Variants in ACADM observed in about 807,000 individuals in gnomAD.
The protein encoded by ACADM is acyl-CoA dehydrogenase medium chain, also known as medium-chain specific acyl-CoA dehydrogenase, mitochondrial.
In ACADM, 49 loss-of-function variants were observed where a neutral mutation model predicts 58.9. That is an observed-to-expected ratio of 0.83 (90% CI 0.66 to 1.06). ACADM has a LOEUF of 1.06. Among genes scored for constraint, ACADM ranks in the 50% least tolerant of loss-of-function variants. The pLI is 0.00. For synonymous variants in ACADM, 160 were observed against 157.7 expected, an observed-to-expected ratio of 1.01 and a Z score of -0.11; for missense variants, 496 against 507.0, an observed-to-expected ratio of 0.98 and a Z score of 0.21.
chr1:75,727,927 T>A (rs528235659), intron 1 of ACADM, among the ~76,000 whole-genome samples: 59 of 151,958 alleles, frequency 3.9e-4, no homozygotes, highest in Non-Finnish European at 6.6e-4. Flanking sequence ...AAAAATGAGA[T>A]CCTCTGAGGG....
At chr1:75,733,239 A>T (rs1647183013) in intron 4 of ACADM, 1 of 1,529,788 alleles carries the variant, frequency 6.5e-7, no homozygotes, top group Non-Finnish European at 8.8e-7. Flanking sequence ...GTGAACCATG[A>T]TTCTTTTCCT....
At chr1:75,757,975 C>G (rs529099275) in intron 10 of ACADM, among the ~76,000 whole-genome samples, 2 of 152,196 alleles carry the variant, frequency 1.3e-5, no homozygotes, top group African/African-American at 4.8e-5. Context: ...TCTGTGAATT[C>G]CAGTAATTTG....
intron 2 of ACADM, among the ~76,000 whole-genome samples, chr1:75,730,240 C>T (rs1327749849): frequency 1.3e-5 from 2 of 152,122 alleles, no homozygotes; most frequent in Admixed American, 1.3e-4. Context: ...GGTATGATTG[C>T]TTGTCACTTT....
At chr1:75,743,819 C>G (rs1231718515) in intron 7 of ACADM, 9 of 1,441,702 alleles carry the variant, frequency 6.2e-6, no homozygotes, top group Non-Finnish European at 8.8e-6. Flanking sequence ...GTGGCCACTG[C>G]AACACTGATG....
In ACADM at chr1:75,745,868, G is replaced by A. The variant is rs754736180; in HGVS notation, c.662G>A (p.Gly221Glu). 1 of 1,613,920 alleles carries A rather than the reference G, an allele frequency of 6.2e-7. No homozygotes were observed. The highest frequency in any genetic ancestry group is 8.5e-7 in the Non-Finnish European group (1 of 1,179,928). Reference sequence around the variant, plus strand: ...GCTCCTGCTAATAAAGCCTTTACTGGATTCATTGTGGAAGCAGATACCCCA... The same window carrying A: ...GCTCCTGCTAATAAAGCCTTTACTGAATTCATTGTGGAAGCAGATACCCCA... The part of the protein sequence containing the change: ...PKAPANKAFT[G>E]FIVEADTPGI... The change falls in exon 8 of 12, where the codon GGA becomes GAA. Residue 221 changes from glycine (G) to glutamate (E), a missense_variant. Physicochemically the swap from Gly to Glu is moderately conservative, Grantham distance 98 (BLOSUM62 -2). Coordinates refer to ENST00000370841, the MANE Select transcript of ACADM (RefSeq NM_000016.6).
rs1049869255 is a variant in ACADM, at chr1:75,724,725, C to T, written c.-63C>T. ...GGCGGGACCAGAGGAGTCCCGCGTT[C>T]GGGGAGTATGTCAAGGCCGTGACCC... On this transcript the variant is annotated 5_prime_UTR_variant, in exon 1 of 12. Transcript: ENST00000370841. The T allele has an allele frequency of 7.2e-5, 111 of 1,533,776 alleles. No homozygotes were observed. Among genetic ancestry groups the T allele is most frequent in the Non-Finnish European group, 9.3e-5 (106 of 1,137,622 alleles).
chr1:75,754,087 C>T (rs1353052040), intron 10 of ACADM, among the ~76,000 whole-genome samples: 1 of 151,108 alleles, frequency 6.6e-6, no homozygotes, highest in East Asian at 1.9e-4. Context: ...TGAGTGACTG[C>T]GCCTGGCCTA....
chr1:75,737,245 C>G (rs1166222689), intron 6 of ACADM, among the ~76,000 whole-genome samples: 1 of 127,156 alleles, frequency 7.9e-6, no homozygotes, highest in Non-Finnish European at 1.6e-5. Context: ...CCAGCCTGGA[C>G]AACGTTGAGA....
chr1:75,755,153 T>G (rs1648428046), intron 10 of ACADM: 1 of 152,440 alleles, frequency 6.6e-6, no homozygotes, highest in South Asian at 2.1e-4. Context: ...CAAGGAGGCC[T>G]GCTTGTTGCT....
chr1:75,748,566 A>G (rs1056179553), intron 8 of ACADM, among the ~76,000 whole-genome samples: 2 of 152,220 alleles, frequency 1.3e-5, no homozygotes, highest in Non-Finnish European at 2.9e-5. Context: ...ATTATTGATC[A>G]TGCAGCAACA....
At chr1:75,741,417 T>G (rs1348987622) in intron 7 of ACADM, among the ~76,000 whole-genome samples, 1 of 152,170 alleles carries the variant, frequency 6.6e-6, no homozygotes, top group Non-Finnish European at 1.5e-5. Context: ...ACTATTAAAA[T>G]TTAACAAGTT....
At chr1:75,731,496 A>C (rs1407400624) in intron 2 of ACADM, among the ~76,000 whole-genome samples, 1 of 152,120 alleles carries the variant, frequency 6.6e-6, no homozygotes, top group Non-Finnish European at 1.5e-5. Context: ...CAACCACATT[A>C]AAACACAAGG....
chr1:75,730,040 G>A (rs1471105445), intron 2 of ACADM, among the ~76,000 whole-genome samples: 2 of 151,838 alleles, frequency 1.3e-5, no homozygotes, highest in Middle Eastern at 3.4e-3. Context: ...GATTACAGGT[G>A]TGGGCCACCA....
intron 2 of ACADM, among the ~76,000 whole-genome samples, chr1:75,731,102 G>C (rs936312906): frequency 3.3e-5 from 5 of 151,218 alleles, no homozygotes; most frequent in African/African-American, 1.2e-4. Context: ...GTGAAACCCC[G>C]TCTCTACTAA....
chr1:75,756,419 C>T (rs925338574), intron 10 of ACADM, among the ~76,000 whole-genome samples: 11 of 84,438 alleles, frequency 1.3e-4, no homozygotes, highest in Non-Finnish European at 2.3e-4. Context: ...TATACACCAA[C>T]AACACACAGA....
chr1:75,726,801 T>TTA (rs1647064695), intron 1 of ACADM, among the ~76,000 whole-genome samples: 2 of 63,456 alleles, frequency 3.2e-5, no homozygotes, highest in South Asian at 3.8e-4. Context: ...ACTGTTTCAC[T>TTA]TTTTTTTTTT....
intron 10 of ACADM, 105 bp from the exon 11 acceptor site, chr1:75,761,017 G>T: frequency 8.6e-7 from 1 of 1,168,240 alleles, no homozygotes; most frequent in South Asian, 1.4e-5. Context: ...GACCAGCCTG[G>T]GCAACATAGC....
chr1:75,737,311 T>TATATATATATACAC (rs1557448514), intron 6 of ACADM, among the ~76,000 whole-genome samples: 1 of 101,308 alleles, frequency 9.9e-6, no homozygotes, highest in Non-Finnish European at 2.1e-5. Flanking sequence ...TATATATATA[T>TATATATATATACAC]ATATATATAT....
intron 10 of ACADM, among the ~76,000 whole-genome samples, chr1:75,751,508 G>C (rs77773255): frequency 6.8e-6 from 1 of 147,586 alleles, no homozygotes; most frequent in Non-Finnish European, 1.5e-5. Flanking sequence ...TTTTTTTTGC[G>C]GGGGGTGGGA....
Sources: allele counts gnomAD v4.1 joint callset (sites outside exome capture counted in the v4.1 genomes callset), GRCh38; gene constraint gnomAD v4.1.1; transcripts MANE v1.5; gene names NCBI Gene and HGNC (gene_info 2026-07-23, HGNC 2026-07-21).